The following SCHIP1 variants were observed in gnomAD, a reference collection of about 807,000 sequenced individuals.
SCHIP1 encodes the protein schwannomin interacting protein 1, also known as schwannomin-interacting protein 1.
In SCHIP1, 8 loss-of-function variants were observed where a neutral mutation model predicts 29.7. The ratio of observed to expected loss-of-function variants is 0.27; its 90% confidence interval spans 0.16 to 0.49. The LOEUF (loss-of-function observed/expected upper bound fraction) is 0.49, where lower values mean the gene tolerates loss of function less well. Among genes scored for constraint, SCHIP1 ranks in the 20% least tolerant of loss-of-function variants. The probability of loss-of-function intolerance (pLI) is 0.99; values close to 1 mark genes in which losing one functional copy is unlikely to be tolerated. For synonymous variants in SCHIP1, 76 were observed against 94.9 expected, an observed-to-expected ratio of 0.80 and a Z score of 1.16; for missense variants, 193 against 294.6, an observed-to-expected ratio of 0.66 and a Z score of 2.52.
the SCHIP1 span, chr3:159,275,212 A>C: frequency 1.2e-5 from 5 of 400,078 alleles, no homozygotes; most frequent in Non-Finnish European, 1.7e-5. Flanking sequence ...AAAAGAATGA[A>C]AGGTAGATTT....
At chr3:159,757,130 G>A in the SCHIP1 span, among the ~76,000 whole-genome samples, 1 of 152,150 alleles carries the variant, frequency 6.6e-6, no homozygotes, top group Non-Finnish European at 1.5e-5. Context: ...CCACTCTACT[G>A]GTACAAATTT....
At chr3:159,578,629 A>G in the SCHIP1 span, among the ~76,000 whole-genome samples, 1 of 151,952 alleles carries the variant, frequency 6.6e-6, no homozygotes, top group Non-Finnish European at 1.5e-5. Flanking sequence ...ACTAAGAAAG[A>G]CTCTTTCCTT....
chr3:159,758,684 T>C, the SCHIP1 span, among the ~76,000 whole-genome samples: 3 of 152,242 alleles, frequency 2.0e-5, no homozygotes, highest in East Asian at 1.9e-4. Flanking sequence ...GTTGTGCAGA[T>C]TGTACACTGC....
the SCHIP1 span, among the ~76,000 whole-genome samples, chr3:159,318,686 C>T: frequency 6.6e-6 from 1 of 152,154 alleles, no homozygotes; most frequent in Non-Finnish European, 1.5e-5. Flanking sequence ...GGAGTGGAGA[C>T]CATGGGCATT....
chr3:159,463,179 A>G, the SCHIP1 span, among the ~76,000 whole-genome samples: 7 of 151,954 alleles, frequency 4.6e-5, no homozygotes, highest in African/African-American at 1.7e-4. Context: ...CATTTATTAT[A>G]TAGACATGGG....
chr3:159,694,586 AAGAAAG>A, the SCHIP1 span, among the ~76,000 whole-genome samples: 2 of 151,054 alleles, frequency 1.3e-5, no homozygotes, highest in Non-Finnish European at 1.5e-5. Flanking sequence ...GAAAGAAAGA[AAGAAAG>A]AAAGAAAGAA....
At chr3:159,362,795 C>T in the SCHIP1 span, among the ~76,000 whole-genome samples, 1 of 152,150 alleles carries the variant, frequency 6.6e-6, no homozygotes, top group South Asian at 2.1e-4. Context: ...TCCATTTCCT[C>T]TCTATATACT....
the SCHIP1 span, among the ~76,000 whole-genome samples, chr3:159,819,248 A>T: frequency 6.6e-6 from 1 of 151,558 alleles, no homozygotes; most frequent in South Asian, 2.1e-4. Flanking sequence ...TGGGGGAGAG[A>T]GAGAGAGGAA....
chr3:159,641,802 TA>T, the SCHIP1 span, among the ~76,000 whole-genome samples: 3 of 152,216 alleles, frequency 2.0e-5, no homozygotes, highest in African/African-American at 7.2e-5. Context: ...CTCTAAGAAA[TA>T]AAATATTGGT....
the SCHIP1 span, among the ~76,000 whole-genome samples, chr3:159,791,119 T>C: frequency 6.6e-6 from 1 of 152,128 alleles, no homozygotes; most frequent in Non-Finnish European, 1.5e-5. Context: ...GCCCTGGAAC[T>C]TCCTCAAAGG....
the SCHIP1 span, among the ~76,000 whole-genome samples, chr3:159,633,481 G>T: frequency 6.6e-6 from 1 of 152,140 alleles, no homozygotes; most frequent in African/African-American, 2.4e-5. Context: ...AGAACATTGG[G>T]AGTAAAGAAA....
At chr3:159,494,475 C>A in the SCHIP1 span, among the ~76,000 whole-genome samples, 5 of 152,150 alleles carry the variant, frequency 3.3e-5, no homozygotes, top group African/African-American at 4.8e-5. Flanking sequence ...ACTATAAACA[C>A]CTCTACGCAA....
At chr3:159,459,477 C>T in the SCHIP1 span, among the ~76,000 whole-genome samples, 2 of 152,124 alleles carry the variant, frequency 1.3e-5, no homozygotes, top group South Asian at 4.1e-4. Flanking sequence ...TAGAAATGTC[C>T]TTGCCTGAAA....
upstream of SCHIP1, among the ~76,000 whole-genome samples, chr3:159,838,948 T>C (rs952881576): frequency 1.3e-5 from 2 of 151,758 alleles, no homozygotes; most frequent in African/African-American, 4.8e-5. Flanking sequence ...CAAAACTAAT[T>C]GCCTGTGGCA....
the SCHIP1 span, among the ~76,000 whole-genome samples, chr3:159,708,719 C>T: frequency 1.3e-5 from 2 of 152,158 alleles, no homozygotes; most frequent in Non-Finnish European, 2.9e-5. Flanking sequence ...TACGCAGGAA[C>T]TAGCAAGCAT....
At chr3:159,329,795 A>G in the SCHIP1 span, among the ~76,000 whole-genome samples, 23 of 152,266 alleles carry the variant, frequency 1.5e-4, no homozygotes, top group Admixed American at 9.8e-4. Context: ...ATTTATAGCA[A>G]TGTTTCCCAA....
At chr3:159,686,850 TA>T in the SCHIP1 span, among the ~76,000 whole-genome samples, 1 of 151,504 alleles carries the variant, frequency 6.6e-6, no homozygotes, top group Non-Finnish European at 1.5e-5. Flanking sequence ...GGCAGTAACT[TA>T]GAACTAATCT....
the SCHIP1 span, among the ~76,000 whole-genome samples, chr3:159,578,833 G>C: frequency 1.3e-5 from 2 of 151,940 alleles, no homozygotes; most frequent in African/African-American, 4.8e-5. Context: ...GAACCCTAGT[G>C]ATTACCTTGT....
At chr3:159,369,743 T>C in the SCHIP1 span, among the ~76,000 whole-genome samples, 1 of 152,178 alleles carries the variant, frequency 6.6e-6, no homozygotes, top group Non-Finnish European at 1.5e-5. Context: ...ATGTTTTGTC[T>C]GAACAATGAC....
Sources: gnomAD v4.1 joint callset for allele counts (sites outside exome capture counted in the v4.1 genomes callset) on GRCh38, gnomAD v4.1.1 for gene constraint, MANE v1.5 for transcripts, NCBI Gene and HGNC (gene_info 2026-07-23, HGNC 2026-07-21) for gene names.